The following NRG1 variants were observed in gnomAD, a reference collection of about 807,000 sequenced individuals.
NRG1 encodes the protein neuregulin 1.
In NRG1, 18 loss-of-function variants were observed where a neutral mutation model predicts 63.8. That is an observed-to-expected ratio of 0.28 (90% confidence interval 0.19 to 0.42). The LOEUF is 0.42. NRG1 is among the 10% of genes least tolerant of loss of function. The pLI, the probability that NRG1 is intolerant of heterozygous loss-of-function variation, is 1.00. For missense variants in NRG1, 762 were observed against 814.7 expected (o/e 0.94, Z 0.79); for synonymous variants, 302 against 301.3 (o/e 1.00, Z -0.02).
intron 1 of NRG1, among the ~76,000 whole-genome samples, chr8:32,269,829 A>G (rs1189101896): frequency 6.6e-6 from 1 of 152,152 alleles, no homozygotes; most frequent in Non-Finnish European, 1.5e-5. Flanking sequence ...TAGAGAACTT[A>G]TTTCTCTTTC....
At chr8:32,157,352 C>G (rs1397262693) in intron 1 of NRG1, among the ~76,000 whole-genome samples, 3 of 107,542 alleles carry the variant, frequency 2.8e-5, no homozygotes, top group Admixed American at 2.3e-4. Context: ...GAGTGAGACT[C>G]TGTCTCAAAA....
chr8:32,565,395 A>G (rs1837263510), intron 1 of NRG1, among the ~76,000 whole-genome samples: 1 of 152,204 alleles, frequency 6.6e-6, no homozygotes, highest in South Asian at 2.1e-4. Context: ...TGTTGGGATT[A>G]TAGGTGTGAA....
At chr8:32,243,978 G>A (rs1319916345) in intron 1 of NRG1, among the ~76,000 whole-genome samples, 1 of 152,090 alleles carries the variant, frequency 6.6e-6, no homozygotes, top group East Asian at 1.9e-4. Flanking sequence ...GACGTTCATT[G>A]TTTAAGCCAC....
intron 5 of NRG1, among the ~76,000 whole-genome samples, chr8:32,681,547 A>G (rs1036463747): frequency 2.0e-4 from 31 of 152,172 alleles, no homozygotes; most frequent in Non-Finnish European, 2.9e-5. Flanking sequence ...GTAAGACAGC[A>G]TAGAACTACA....
intron 1 of NRG1, among the ~76,000 whole-genome samples, chr8:32,266,355 A>C (rs2129472057): frequency 6.6e-6 from 1 of 152,336 alleles, no homozygotes; most frequent in Admixed American, 6.5e-5. Flanking sequence ...ACACTTTTTC[A>C]ATAATCCTTT....
rs1483602545 is a variant in NRG1, at chr8:31,846,229, G to C, written c.37+206798G>C. Among the ~76,000 whole-genome samples the C allele has an allele frequency of 1.1e-4, 16 of 152,314 alleles. No individual in the cohort carries two copies. The South Asian group carries it at 1.9e-3, about 18-fold the overall frequency. On this transcript the variant is annotated intron_variant, in intron 1 of 10. Coordinates refer to the NRG1 transcript ENST00000519301. ...CCTTATAACTTGATTTCAGAATATAGTTACACAAAGTGAGAATAACTCGAT... is the reference window on the plus strand; with the variant it reads ...CCTTATAACTTGATTTCAGAATATACTTACACAAAGTGAGAATAACTCGAT...
chr8:31,713,342 T>A (rs759579044), intron 1 of NRG1, among the ~76,000 whole-genome samples: 7 of 152,026 alleles, frequency 4.6e-5, no homozygotes, highest in Non-Finnish European at 1.0e-4. Flanking sequence ...GGTCTCGATC[T>A]CCTGACCTCG....
At chr8:32,149,101 T>C (rs1285466016) in intron 1 of NRG1, among the ~76,000 whole-genome samples, 1 of 152,180 alleles carries the variant, frequency 6.6e-6, no homozygotes, top group African/African-American at 2.4e-5. Flanking sequence ...CTTTTTTCAT[T>C]CTCAAAGTGG....
intron 1 of NRG1, among the ~76,000 whole-genome samples, chr8:31,724,096 G>A (rs1813186123): frequency 6.6e-6 from 1 of 151,978 alleles, no homozygotes; most frequent in Non-Finnish European, 1.5e-5. Flanking sequence ...TATATAATTA[G>A]GTAATATTAG....
At chr8:32,258,265 A>T (rs1282393174) in intron 1 of NRG1, among the ~76,000 whole-genome samples, 1 of 152,208 alleles carries the variant, frequency 6.6e-6, no homozygotes, top group East Asian at 1.9e-4. Flanking sequence ...ATAGCTTTTC[A>T]CAGTTGAGGA....
intron 7 of NRG1, among the ~76,000 whole-genome samples, chr8:32,747,100 G>A (rs537366100): frequency 1.3e-5 from 2 of 152,016 alleles, no homozygotes; most frequent in Non-Finnish European, 2.9e-5. Flanking sequence ...TGAAATTATA[G>A]TTAGGCTGAC....
chr8:32,107,823 C>T (rs989097640), intron 1 of NRG1, among the ~76,000 whole-genome samples: 2 of 152,100 alleles, frequency 1.3e-5, no homozygotes, highest in African/African-American at 4.8e-5. Flanking sequence ...CATCTTTTTC[C>T]TATAAAGACA....
At chr8:31,963,480 A>G (rs756996682) in intron 1 of NRG1, among the ~76,000 whole-genome samples, 2 of 152,218 alleles carry the variant, frequency 1.3e-5, no homozygotes, top group Non-Finnish European at 2.9e-5. Context: ...AGGCACTGAT[A>G]TGTTAATAAA....
intron 1 of NRG1, among the ~76,000 whole-genome samples, chr8:32,220,508 C>T (rs1563922006): frequency 6.6e-6 from 1 of 151,948 alleles, no homozygotes; most frequent in Non-Finnish European, 1.5e-5. Flanking sequence ...TGGGATCCTT[C>T]GGATAACGGC....
At chr8:31,896,652 G>A (rs1352506039) in intron 1 of NRG1, among the ~76,000 whole-genome samples, 2 of 152,142 alleles carry the variant, frequency 1.3e-5, no homozygotes, top group African/African-American at 4.8e-5. Context: ...AGTTGATCTG[G>A]GCCCTGAAGT....
intron 1 of NRG1, among the ~76,000 whole-genome samples, chr8:32,252,010 T>A (rs935295451): frequency 6.6e-6 from 1 of 152,224 alleles, no homozygotes; most frequent in African/African-American, 2.4e-5. Context: ...TTGTGAAGTA[T>A]CTGCTCATGT....
chr8:32,690,918 G>C (rs1456166221), intron 5 of NRG1, among the ~76,000 whole-genome samples: 1 of 148,234 alleles, frequency 6.7e-6, no homozygotes, highest in Admixed American at 6.8e-5. Context: ...GAAACTTGGA[G>C]ATTTTATTGT....
At chr8:31,995,644 C>T (rs1024208346) in intron 1 of NRG1, among the ~76,000 whole-genome samples, 1 of 151,784 alleles carries the variant, frequency 6.6e-6, no homozygotes, top group Admixed American at 6.6e-5. Flanking sequence ...CTTTAAGGTT[C>T]TAATTTTTGT....
intron 1 of NRG1, among the ~76,000 whole-genome samples, chr8:32,337,345 AC>A (rs1803400619): frequency 6.6e-6 from 1 of 152,084 alleles, no homozygotes; most frequent in South Asian, 2.1e-4. Context: ...CTATTGAATG[AC>A]CAGGTGGGGT....
Sources: gnomAD v4.1 joint callset for allele counts (sites outside exome capture counted in the v4.1 genomes callset) on GRCh38, gnomAD v4.1.1 for gene constraint, MANE v1.5 for transcripts, NCBI Gene and HGNC (gene_info 2026-07-23, HGNC 2026-07-21) for gene names.